Variants in NAT10 observed in about 807,000 individuals in gnomAD.
NAT10 encodes the protein N-acetyltransferase 10.
Under a neutral mutation model 132.2 loss-of-function variants are expected in NAT10, and 109 were observed. That is an observed-to-expected ratio of 0.82 (90% CI 0.71 to 0.97). The LOEUF (loss-of-function observed/expected upper bound fraction) is 0.97. Among genes scored for constraint, NAT10 ranks in the 50% least tolerant of loss-of-function variants. The pLI is 0.00. For synonymous variants in NAT10, 479 were observed against 478.0 expected (o/e 1.00, Z -0.03); for missense variants, 1,184 against 1,263.4 (o/e 0.94, Z 0.95).
chr11:34,127,450 T>C lies in NAT10; in HGVS notation c.1108-13T>C, dbSNP rs753521785. 195 of 1,586,568 alleles carry C rather than the reference T, an allele frequency of 1.2e-4. No individual in the cohort carries two copies. Among genetic ancestry groups the C allele is most frequent in the Non-Finnish European group, 3.4e-6 (4 of 1,161,310 alleles). ...TTCACTATGCTAATAATCTAAATTT[T>C]CCTTCCCCATAGTATATACATCCTG... On this transcript the variant is annotated splice_polypyrimidine_tract_variant and intron_variant, in intron 11 of 28. Coordinates refer to ENST00000257829, the MANE Select transcript of NAT10 (RefSeq NM_024662.3).
In NAT10 at chr11:34,139,335, CTGCCGGGGA is replaced by C. The variant is rs775099683; in HGVS notation, c.2309-45_2309-37del. ...GGGGAGACAATGAGGTGATTGGGGG[CTGCCGGGGA>C]TGCCTCCAGACCTCTAACTCTGCGT... On this transcript the variant is annotated intron_variant, in intron 22 of 28. Coordinates refer to ENST00000257829, the MANE Select transcript of NAT10 (RefSeq NM_024662.3). The C allele has an allele frequency of 1.9e-6, 3 of 1,611,452 alleles. No homozygotes were observed. In the African/African-American group the frequency reaches 4.0e-5, roughly 22 times the overall value.
intron 14 of NAT10, 69 bp from the exon 15 acceptor site, chr11:34,132,055 TG>T: frequency 8.6e-7 from 1 of 1,156,916 alleles, no homozygotes; most frequent in East Asian, 2.3e-5. Flanking sequence ...AAATTTGTTC[TG>T]CCTCCAGAGA....
chr11:34,141,328 C>T, intron 25 of NAT10, 120 bp downstream of exon 25: 6 of 1,290,946 alleles, frequency 4.6e-6, no homozygotes, highest in African/African-American at 3.0e-5. Context: ...TCGTCACACA[C>T]ACACACACAC....
chr11:34,142,057 T>C (rs1364189863), intron 26 of NAT10: 2 of 622,894 alleles, frequency 3.2e-6, no homozygotes, highest in Non-Finnish European at 5.7e-6. Context: ...CCAGCATCTG[T>C]TGGAAATGTT....
Position 34,135,131 on chromosome 11 carries a change from CA to C in NAT10, c.1912-43del, listed in dbSNP as rs750855180. 1.9e-5 allele frequency: 29 copies of C among 1,493,324 alleles called. No individual in the cohort carries two copies. In the Admixed American group the frequency reaches 4.9e-4, roughly 25 times the overall value. The allele number at this position is 1,493,324 out of a possible 1,614,324, so 92.5% of individuals were successfully genotyped here. Reference sequence around the variant, plus strand: ...GAGTCACTGTGGCTTAGACTGAGAGCAGCTCTCTTCCCTCGGCCTCTTCCCC... The same window carrying C: ...GAGTCACTGTGGCTTAGACTGAGAGCGCTCTCTTCCCTCGGCCTCTTCCCC... On this transcript the variant is annotated intron_variant, in intron 18 of 28. Coordinates refer to ENST00000257829, the MANE Select transcript of NAT10 (RefSeq NM_024662.3).
At chr11:34,129,347 G>C (rs143635928) in intron 12 of NAT10, among the ~76,000 whole-genome samples, 48 of 152,178 alleles carry the variant, frequency 3.2e-4, no homozygotes, top group African/African-American at 1.1e-3. Flanking sequence ...GTGACCTCTC[G>C]TTATAATTCT....
At position 34,142,266 on chromosome 11, in the gene NAT10, T is replaced by G; in HGVS notation, c.2812-9T>G. On this transcript the variant is annotated splice_polypyrimidine_tract_variant and intron_variant, in intron 26 of 28. Coordinates refer to ENST00000257829, the MANE Select transcript of NAT10 (RefSeq NM_024662.3). Reference sequence around the variant, plus strand: ...CTGACTTAGTCTCTTTATGGGTCCTTAACCACAGGATGAAGCAGCAAAGGA... The same window carrying G: ...CTGACTTAGTCTCTTTATGGGTCCTGAACCACAGGATGAAGCAGCAAAGGA... The G allele has an allele frequency of 6.2e-7, 1 of 1,613,944 alleles. No individual in the cohort carries two copies. Among genetic ancestry groups the G allele is most frequent in the Non-Finnish European group, 8.5e-7 (1 of 1,179,840 alleles).
chr11:34,145,955 C>T (rs1762307387), intron 28 of NAT10, 129 bp from the exon 29 acceptor site: 1 of 632,780 alleles, frequency 1.6e-6, no homozygotes, highest in South Asian at 2.0e-5. Flanking sequence ...CATTAATGTC[C>T]AATTGGGTGG....
At chr11:34,141,480 C>G (rs1181776809) in intron 25 of NAT10, among the ~76,000 whole-genome samples, 1 of 151,562 alleles carries the variant, frequency 6.6e-6, no homozygotes, top group African/African-American at 2.4e-5. Context: ...GACTTCAGCT[C>G]TAAAGAATCT....
chr11:34,138,646 C>A (rs17701015), intron 21 of NAT10, among the ~76,000 whole-genome samples: 2 of 151,998 alleles, frequency 1.3e-5, no homozygotes, highest in East Asian at 3.9e-4. Flanking sequence ...GTGCACTGTT[C>A]ATTTGTGACT....
intron 5 of NAT10, among the ~76,000 whole-genome samples, chr11:34,115,577 A>G (rs1590762621): frequency 6.6e-6 from 1 of 152,384 alleles, no homozygotes; most frequent in African/African-American, 2.4e-5. Context: ...CAATTTTATG[A>G]AATAAATGAA....
At chr11:34,144,724 A>G (rs1852405736) in intron 28 of NAT10, among the ~76,000 whole-genome samples, 1 of 152,184 alleles carries the variant, frequency 6.6e-6, no homozygotes, top group Non-Finnish European at 1.5e-5. Context: ...TGGAACCTTC[A>G]TCAGTTTTCC....
chr11:34,129,584 T>TTTC (rs1426582322), intron 12 of NAT10, among the ~76,000 whole-genome samples: 7 of 146,830 alleles, frequency 4.8e-5, no homozygotes, highest in South Asian at 2.1e-4. Flanking sequence ...GTTTTTTCAC[T>TTTC]TTCTTCTTCT....
Position 34,141,804 on chromosome 11 carries a change from T to A in NAT10, c.2798T>A (p.Leu933His). The A allele has an allele frequency of 6.2e-7, 1 of 1,613,712 alleles. No individual in the cohort carries two copies. Among genetic ancestry groups the A allele is most frequent in the Non-Finnish European group, 8.5e-7 (1 of 1,179,972 alleles). ...GTCATGGAGCCCACGATGAAGACCC[T>A]CAGTGACGACCTAGTATGTCCCTGC... is the stretch of plus-strand genomic sequence containing the variant. Reference protein sequence around the residue: ...DVVMEPTMKTLSDDLDEAAKE... With the variant: ...DVVMEPTMKTHSDDLDEAAKE... The change falls in exon 26 of 29, where the codon CTC becomes CAC. Residue 933 changes from leucine to histidine, a missense_variant. By Grantham distance (99) the Leu-to-His change is moderately conservative. Transcript: ENST00000257829.
intron 6 of NAT10, among the ~76,000 whole-genome samples, chr11:34,117,554 C>T (rs1590763841): frequency 6.6e-6 from 1 of 152,182 alleles, no homozygotes; most frequent in East Asian, 1.9e-4. Context: ...ATCTGTGATG[C>T]ACTAAGTCAG....
intron 3 of NAT10, 26 bp downstream of exon 3, chr11:34,108,859 A>C (rs17700360): frequency 7.6e-6 from 12 of 1,582,038 alleles, no homozygotes; most frequent in Non-Finnish European, 1.0e-5. Context: ...CATGTGTTTT[A>C]TCCAACTTAC....
intron 12 of NAT10, among the ~76,000 whole-genome samples, chr11:34,129,742 G>A (rs1019272905): frequency 7.9e-5 from 12 of 151,364 alleles, no homozygotes; most frequent in African/African-American, 2.9e-4. Flanking sequence ...TTGAGTAGCT[G>A]GGATTACAGG....
chr11:34,113,871 G>C (rs764276204), intron 5 of NAT10, 33 bp downstream of exon 5: 1 of 1,607,840 alleles, frequency 6.2e-7, no homozygotes, highest in Non-Finnish European at 8.5e-7. Context: ...AATTGTGAGG[G>C]TTCAAGTAAA....
intron 8 of NAT10, among the ~76,000 whole-genome samples, chr11:34,122,178 G>A (rs1405500090): frequency 3.3e-5 from 5 of 151,788 alleles, no homozygotes; most frequent in African/African-American, 1.2e-4. Context: ...CTCCATCTCA[G>A]AAGGAAAAAA....
Sources: gnomAD v4.1 joint callset for allele counts (sites outside exome capture counted in the v4.1 genomes callset) on GRCh38, gnomAD v4.1.1 for gene constraint, MANE v1.5 for transcripts, NCBI Gene and HGNC (gene_info 2026-07-23, HGNC 2026-07-21) for gene names.